The following SMARCB1 variants were observed in gnomAD, a reference collection of about 807,000 sequenced individuals.
The protein encoded by SMARCB1 is SWI/SNF related BAF chromatin remodeling complex subunit B1, also known as SWI/SNF-related matrix-associated actin-dependent regulator of chromatin subfamily B member 1.
In SMARCB1, 5 loss-of-function variants were observed where a neutral mutation model predicts 49.0. That is an observed-to-expected ratio of 0.10 (90% confidence interval 0.05 to 0.21). SMARCB1 has a LOEUF of 0.21. SMARCB1 is among the 10% of genes least tolerant of loss of function. SMARCB1 has a pLI of 1.00. For synonymous variants in SMARCB1, 201 were observed against 200.1 expected (o/e 1.00, Z -0.04); for missense variants, 226 against 509.2 (o/e 0.44, Z 5.35).
chr22:23,828,853 A>G (rs976852780), intron 7 of SMARCB1, among the ~76,000 whole-genome samples: 1 of 152,202 alleles, frequency 6.6e-6, no homozygotes, highest in African/African-American at 2.4e-5. Flanking sequence ...CAAGGCCACT[A>G]TGCCCACACC....
chr22:23,798,658 C>A (rs1928924612), intron 3 of SMARCB1, among the ~76,000 whole-genome samples: 1 of 152,138 alleles, frequency 6.6e-6, no homozygotes, highest in Non-Finnish European at 1.5e-5. Context: ...GGCCCAGAGT[C>A]CAGGCAGGTC....
At chr22:23,791,427 C>T (rs1341159117) in intron 1 of SMARCB1, among the ~76,000 whole-genome samples, 1 of 152,236 alleles carries the variant, frequency 6.6e-6, no homozygotes, top group Non-Finnish European at 1.5e-5. Context: ...TCAAGGAGGC[C>T]TTGCATTTCT....
At chr22:23,828,813 G>A (rs1000057908) in intron 7 of SMARCB1, among the ~76,000 whole-genome samples, 6 of 152,188 alleles carry the variant, frequency 3.9e-5, no homozygotes, top group Non-Finnish European at 8.8e-5. Context: ...GTACAGTGGG[G>A]CAAGCTGCTG....
Position 23,835,920 on chromosome 22 carries a change from C to T in SMARCB1, c.*1740C>T. ...AAGCCATCTCCACAAGGTCTGGCTA[C>T]AACACGGAGGGCAGACTCAACAGAG... On this transcript the variant is annotated 3_prime_UTR_variant, in exon 9 of 9. Transcript: ENST00000644036. The T allele has an allele frequency of 1.0e-6, 1 of 985,518 alleles. No homozygotes were observed. The allele number at this position is 985,518 out of a possible 1,614,324, so 61.0% of individuals were successfully genotyped here.
intron 6 of SMARCB1, among the ~76,000 whole-genome samples, chr22:23,821,558 A>T (rs781294133): frequency 1.3e-5 from 2 of 151,982 alleles, no homozygotes; most frequent in Non-Finnish European, 2.9e-5. Context: ...TCTGTAGGAA[A>T]TGGAGTCTCG....
chr22:23,810,508 A>C (rs896916921), intron 5 of SMARCB1, among the ~76,000 whole-genome samples: 3 of 144,710 alleles, frequency 2.1e-5, no homozygotes, highest in African/African-American at 7.7e-5. Flanking sequence ...AGCCTGGGCA[A>C]CAGAGCAAGA....
chr22:23,837,554 T>A lies in SMARCB1; in HGVS notation c.*3374T>A. ...AGGAAGATGGGGATGGAGCCAGGTG[T>A]GAGGAGAACTCCAGCAAGGATGGGA... On this transcript the variant is annotated 3_prime_UTR_variant, in exon 9 of 9. Coordinates refer to ENST00000644036, the MANE Select transcript of SMARCB1 (RefSeq NM_003073.5). 1 of 1,196,226 alleles carries A rather than the reference T, an allele frequency of 8.4e-7. No individual in the cohort carries two copies. Among genetic ancestry groups the A allele is most frequent in the Non-Finnish European group, 1.2e-6 (1 of 850,976 alleles). 74.1% of individuals were successfully genotyped at this position (1,196,226 alleles called of 1,614,324 possible).
Position 23,836,634 on chromosome 22 carries a change from C to T in SMARCB1, c.*2454C>T, listed in dbSNP as rs1302005849. 8.1e-7 allele frequency: 1 copy of T among 1,239,882 alleles called. No homozygotes were observed. The highest frequency in any genetic ancestry group is 1.0e-6 in the Non-Finnish European group (1 of 995,182). The allele number at this position is 1,239,882 out of a possible 1,614,324, so 76.8% of individuals were successfully genotyped here. On this transcript the variant is annotated 3_prime_UTR_variant, in exon 9 of 9. Coordinates refer to ENST00000644036, the MANE Select transcript of SMARCB1 (RefSeq NM_003073.5). Reference sequence around the variant, plus strand: ...CTCTGTGGGCACCCCTATCCTACCACCTGCAGTTGGGCTGAGAGGCCACAC... The same window carrying T: ...CTCTGTGGGCACCCCTATCCTACCATCTGCAGTTGGGCTGAGAGGCCACAC...
rs546549420 is a variant in SMARCB1 at position 23,799,574 on chromosome 22, G to A, written c.363-1370G>A. Among the ~76,000 whole-genome samples, 452 of 132,178 alleles carry A rather than the reference G, an allele frequency of 3.4e-3. 1 individual carries two copies. The highest frequency in any genetic ancestry group is 0.012 in the African/African-American group (428 of 35,280). The allele number at this position is 132,178 out of a possible 152,430, so 86.7% of individuals were successfully genotyped here. A position where few individuals can be genotyped will look rare whatever the true frequency, so the allele number is the denominator to read the frequency against. Reference sequence around the variant, plus strand: ...GTTGCCCAGGCTGGACTGCAATGGTGTAATCTCGGCTCACTGCAACTTCTG... The same window carrying A: ...GTTGCCCAGGCTGGACTGCAATGGTATAATCTCGGCTCACTGCAACTTCTG... On this transcript the variant is annotated intron_variant, in intron 3 of 8. Coordinates refer to ENST00000644036, the MANE Select transcript of SMARCB1 (RefSeq NM_003073.5).
At chr22:23,809,128 C>A (rs969492347) in intron 5 of SMARCB1, among the ~76,000 whole-genome samples, 1 of 151,772 alleles carries the variant, frequency 6.6e-6, no homozygotes, top group Admixed American at 6.6e-5. Flanking sequence ...CCACCGCGCC[C>A]AGCCAAATGA....
rs2146026778 is a variant in SMARCB1, at chr22:23,825,279, T to A, written c.850T>A (p.Ser284Thr). The A allele has an allele frequency of 6.2e-7, 1 of 1,614,142 alleles. No individual in the cohort carries two copies. Among genetic ancestry groups the A allele is most frequent in the East Asian group, 2.2e-5 (1 of 44,882 alleles). ...GGTGGACCAGTTTGAGTGGGACATG[T>A]CAGAGAAGGAGAACTCACCAGAGAA... ...SLVDQFEWDM[S>T]EKENSPEKFA... Residue 284 changes from serine (S) to threonine (T), a missense_variant, in exon 7 of 9, where the codon TCA becomes ACA. By Grantham distance (58) the Ser-to-Thr change is moderately conservative. Around this residue, in one of 6 missense-constraint regions of SMARCB1, gnomAD observed 35 missense variants for 107.2 expected, o/e 0.33. Coordinates refer to ENST00000644036, the MANE Select transcript of SMARCB1 (RefSeq NM_003073.5).
chr22:23,818,500 C>G (rs1353923883), intron 6 of SMARCB1: 1 of 152,134 alleles, frequency 6.6e-6, no homozygotes, highest in Non-Finnish European at 1.5e-5. Flanking sequence ...TGGTAACATT[C>G]ATAACATAAA....
rs1929103875 is a variant in SMARCB1, at chr22:23,800,926, T to C, written c.363-18T>C. 6.2e-7 allele frequency: 1 copy of C among 1,607,758 alleles called. No homozygotes were observed. The highest frequency in any genetic ancestry group is 8.5e-7 in the Non-Finnish European group (1 of 1,174,208). ...GGCTCCTATACTGACTGGGAGGACT[T>C]TTCTTGTATCTCCTCAGGGAACAGA... On this transcript the variant is annotated intron_variant, in intron 3 of 8. Coordinates refer to ENST00000644036, the MANE Select transcript of SMARCB1 (RefSeq NM_003073.5).
At chr22:23,800,846 C>T (rs1929096376) in intron 3 of SMARCB1, 98 bp from the exon 4 acceptor site, 1 of 951,212 alleles carries the variant, frequency 1.1e-6, no homozygotes, top group African/African-American at 1.6e-5. Flanking sequence ...TCGAGCCTGA[C>T]AGAGGTACAG....
rs571898567 is a variant in SMARCB1, at chr22:23,791,198, C to T, written c.94-558C>T. ...AGTATTTGCTACAAGCAAACTGAAGCCATTGTTTGAGTCAGTGATGATTTA... is the reference window on the plus strand; with the variant it reads ...AGTATTTGCTACAAGCAAACTGAAGTCATTGTTTGAGTCAGTGATGATTTA... On this transcript the variant is annotated intron_variant, in intron 1 of 8. Transcript: ENST00000644036. Among the ~76,000 whole-genome samples the T allele has an allele frequency of 2.0e-5, 3 of 152,278 alleles. No individual in the cohort carries two copies. The South Asian group carries it at 6.2e-4, about 32-fold the overall frequency.
At chr22:23,821,283 C>G (rs1393268525) in intron 6 of SMARCB1, among the ~76,000 whole-genome samples, 1 of 152,252 alleles carries the variant, frequency 6.6e-6, no homozygotes, top group Non-Finnish European at 1.5e-5. Context: ...GTGGGACAGA[C>G]TGCATTTTTC....
chr22:23,810,455 G>A (rs1929797142), intron 5 of SMARCB1, among the ~76,000 whole-genome samples: 1 of 149,562 alleles, frequency 6.7e-6, no homozygotes, highest in Admixed American at 6.6e-5. Flanking sequence ...TTGAACCTGG[G>A]AGGCGGAGGT....
chr22:23,816,618 CT>C (rs1428828106), intron 5 of SMARCB1, 151 bp from the exon 6 acceptor site: 4 of 756,186 alleles, frequency 5.3e-6, no homozygotes, highest in Non-Finnish European at 9.5e-6. Flanking sequence ...CCTCCTTCCA[CT>C]CCCAGTTTCC....
At position 23,837,264 on chromosome 22, in the gene SMARCB1, A is replaced by T; in HGVS notation, c.*3084A>T. The T allele has an allele frequency of 1.5e-6, 2 of 1,359,644 alleles. No individual in the cohort carries two copies. Among genetic ancestry groups the T allele is most frequent in the South Asian group, 2.5e-5 (2 of 78,438 alleles). The allele number at this position is 1,359,644 out of a possible 1,614,324, so 84.2% of individuals were successfully genotyped here. ...AGCCTGGTGGCCCTGCAGGCCCCACAGCATGAGTGCCCCAAAGCCTTGCAC... is the reference window on the plus strand; with the variant it reads ...AGCCTGGTGGCCCTGCAGGCCCCACTGCATGAGTGCCCCAAAGCCTTGCAC... On this transcript the variant is annotated 3_prime_UTR_variant, in exon 9 of 9. Transcript: ENST00000644036.
Sources: allele counts gnomAD v4.1 joint callset (sites outside exome capture counted in the v4.1 genomes callset), GRCh38; gene constraint gnomAD v4.1.1; regional missense constraint gnomAD v4.1.1; transcripts MANE v1.5; gene names NCBI Gene and HGNC (gene_info 2026-07-23, HGNC 2026-07-21).